The following COL26A1 variants were observed in gnomAD, a reference collection of about 807,000 sequenced individuals.
COL26A1 encodes collagen alpha-1(XXVI) chain.
Under a neutral mutation model 59.3 loss-of-function variants are expected in COL26A1, and 41 were observed. The ratio of observed to expected loss-of-function variants is 0.69; its 90% CI spans 0.54 to 0.90. COL26A1 has a LOEUF of 0.90. COL26A1 is among the 40% of genes least tolerant of loss of function. COL26A1 has a pLI of 0.00. For synonymous variants in COL26A1, 266 were observed against 256.0 expected (o/e 1.04, Z -0.37); for missense variants, 612 against 602.3 (o/e 1.02, Z -0.17).
In COL26A1 at chr7:101,518,842, T is replaced by C. The variant is rs577225261; in HGVS notation, c.386-14240T>C. Among the ~76,000 whole-genome samples, 4 of 152,270 alleles carry C rather than the reference T, an allele frequency of 2.6e-5. No homozygotes were observed. The East Asian group carries it at 7.7e-4, about 29-fold the overall frequency. ...GTCCTGAGGGACATTCCTGGAAGAC[T>C]TGAAATCTCTCCACCGAGCACATTG... On this transcript the variant is annotated intron_variant, in intron 3 of 12. Transcript: ENST00000313669.
At chr7:101,422,372 GAAAAAAAA>G (rs3072484) in intron 2 of COL26A1, among the ~76,000 whole-genome samples, 2 of 72,980 alleles carry the variant, frequency 2.7e-5, no homozygotes, top group Admixed American at 3.7e-4. Context: ...GGTCCAAAAT[GAAAAAAAA>G]AAAAAAAAAA....
chr7:101,527,481 C>T (rs1795272172), intron 3 of COL26A1, among the ~76,000 whole-genome samples: 2 of 150,534 alleles, frequency 1.3e-5, no homozygotes, highest in South Asian at 4.2e-4. Context: ...GCACGCACCA[C>T]CACGTCCAGC....
In COL26A1 at chr7:101,540,097, T is replaced by C. The variant is rs1204988490; in HGVS notation, c.604+48T>C. 3.8e-6 allele frequency: 6 copies of C among 1,559,448 alleles called. No homozygotes were observed. In the South Asian group the frequency reaches 6.0e-5, roughly 15 times the overall value. On this transcript the variant is annotated intron_variant, in intron 5 of 12. Transcript: ENST00000313669. The stretch of plus-strand genomic sequence containing the variant: ...ACAGGCTGGGGCAGCCGAAGGGACC[T>C]TGGGCATGGCCTCCCAGGGCCTCCC...
At chr7:101,469,017 C>A (rs998768264) in intron 3 of COL26A1, among the ~76,000 whole-genome samples, 2 of 152,172 alleles carry the variant, frequency 1.3e-5, no homozygotes, top group Non-Finnish European at 2.9e-5. Flanking sequence ...ACTCTCCCAG[C>A]ACAAATGTTT....
chr7:101,380,320 G>T (rs1479322328), intron 1 of COL26A1, among the ~76,000 whole-genome samples: 1 of 130,366 alleles, frequency 7.7e-6, no homozygotes, highest in Non-Finnish European at 1.6e-5. Flanking sequence ...TTTTGAAACA[G>T]AGTCTCTCTC....
intron 1 of COL26A1, among the ~76,000 whole-genome samples, chr7:101,417,137 A>G (rs1429496803): frequency 6.6e-6 from 1 of 152,110 alleles, no homozygotes; most frequent in Non-Finnish European, 1.5e-5. Context: ...ACTATTTTTT[A>G]AGGGGATGTG....
chr7:101,412,670 G>A (rs942719351), intron 1 of COL26A1, among the ~76,000 whole-genome samples: 10 of 151,056 alleles, frequency 6.6e-5, no homozygotes, highest in Admixed American at 6.6e-4. Flanking sequence ...AAAAAAAAGT[G>A]GGTATAGATA....
chr7:101,473,940 A>G (rs1002748464), intron 3 of COL26A1, among the ~76,000 whole-genome samples: 16 of 152,208 alleles, frequency 1.1e-4, no homozygotes, highest in Non-Finnish European at 2.2e-4. Flanking sequence ...AAAATGATGC[A>G]TATCCTCCAG....
intron 1 of COL26A1, among the ~76,000 whole-genome samples, chr7:101,378,879 G>C (rs1037274268): frequency 6.6e-6 from 1 of 151,880 alleles, no homozygotes; most frequent in South Asian, 2.1e-4. Flanking sequence ...TCTTTTCCCC[G>C]GGGAGTTGTC....
At chr7:101,546,401 ATTTT>A (rs79673492) in intron 7 of COL26A1, among the ~76,000 whole-genome samples, 6 of 141,918 alleles carry the variant, frequency 4.2e-5, no homozygotes, top group Middle Eastern at 3.7e-3. Flanking sequence ...CATCTAACTA[ATTTT>A]TTTTTTTTTT....
chr7:101,362,809 G>A (rs988462605), upstream of COL26A1: 1 of 535,340 alleles, frequency 1.9e-6, no homozygotes, highest in South Asian at 2.4e-5. Flanking sequence ...AAAGCCCCAC[G>A]CCCCCTTTGA....
intron 11 of COL26A1, among the ~76,000 whole-genome samples, chr7:101,555,243 G>A (rs1273462808): frequency 6.6e-6 from 1 of 152,114 alleles, no homozygotes; most frequent in African/African-American, 2.4e-5. Context: ...CTGCCATCAC[G>A]CCAGCCTGCC....
chr7:101,374,845 C>CA (rs1259033377), intron 1 of COL26A1, among the ~76,000 whole-genome samples: 1 of 152,090 alleles, frequency 6.6e-6, no homozygotes, highest in Non-Finnish European at 1.5e-5. Context: ...CATCTGAGGT[C>CA]ATGATGGAGT....
intron 3 of COL26A1, among the ~76,000 whole-genome samples, chr7:101,478,059 T>C (rs1384506348): frequency 6.6e-6 from 1 of 152,218 alleles, no homozygotes; most frequent in Non-Finnish European, 1.5e-5. Flanking sequence ...CTCGCCTCAC[T>C]GCAACTTCTG....
At chr7:101,481,572 T>G (rs887739921) in intron 3 of COL26A1, among the ~76,000 whole-genome samples, 1 of 151,798 alleles carries the variant, frequency 6.6e-6, no homozygotes, top group Non-Finnish European at 1.5e-5. Context: ...CTGCTCAGCC[T>G]CCTAAGTAGC....
intron 1 of COL26A1, among the ~76,000 whole-genome samples, chr7:101,404,257 A>G (rs1342338995): frequency 1.3e-5 from 2 of 152,184 alleles, no homozygotes; most frequent in Non-Finnish European, 2.9e-5. Flanking sequence ...GCAGCCACTC[A>G]CTTCTCAATA....
chr7:101,412,662 A>T (rs1196811655), intron 1 of COL26A1, among the ~76,000 whole-genome samples: 1 of 151,708 alleles, frequency 6.6e-6, no homozygotes, highest in African/African-American at 2.4e-5. Context: ...AAAAAAAAAA[A>T]AAAAAGTGGG....
chr7:101,391,306 CTATTTTTTT>C (rs1244007411), intron 1 of COL26A1, among the ~76,000 whole-genome samples: 8 of 152,124 alleles, frequency 5.3e-5, no homozygotes, highest in Admixed American at 6.5e-5. Flanking sequence ...GGCCGGGATT[CTATTTTTTT>C]TATTTTTTTT....
intron 3 of COL26A1, among the ~76,000 whole-genome samples, chr7:101,462,910 T>A (rs900829381): frequency 2.6e-5 from 4 of 151,718 alleles, no homozygotes; most frequent in African/African-American, 9.7e-5. Context: ...CCTTGCAGAG[T>A]GATGGGGCCG....
Sources: gnomAD v4.1 joint callset for allele counts (sites outside exome capture counted in the v4.1 genomes callset) on GRCh38, gnomAD v4.1.1 for gene constraint, MANE v1.5 for transcripts, NCBI Gene and HGNC (gene_info 2026-07-23, HGNC 2026-07-21) for gene names.